KCNK12: variants seen among roughly 807,000 people sequenced by gnomAD.
KCNK12 encodes the protein potassium two pore domain channel subfamily K member 12.
Under a neutral mutation model 25.3 loss-of-function variants are expected in KCNK12, and 6 were observed. That is an observed-to-expected ratio of 0.24 (90% CI 0.13 to 0.47). KCNK12 has a LOEUF of 0.47. Ranked by LOEUF, KCNK12 falls within the 20% of genes least tolerant of loss-of-function variation. The pLI, the probability that KCNK12 is intolerant of heterozygous loss-of-function variation, is 0.99. For missense variants in KCNK12, 444 were observed against 661.7 expected, an observed-to-expected ratio of 0.67 and a Z score of 3.61; for synonymous variants, 331 against 311.1, an observed-to-expected ratio of 1.06 and a Z score of -0.67.
intron 1 of KCNK12, among the ~76,000 whole-genome samples, chr2:47,541,632 G>A (rs1304192956): frequency 6.6e-6 from 1 of 152,070 alleles, no homozygotes; most frequent in African/African-American, 2.4e-5. Flanking sequence ...TTTAAAAAAG[G>A]GAATCAAGGT....
rs1669560458 is a variant in KCNK12, at chr2:47,556,852, G to A, written c.391+13089C>T. 6.6e-6 allele frequency among the ~76,000 whole-genome samples: 1 copy of A among 152,208 alleles called. No individual in the cohort carries two copies. The highest frequency in any genetic ancestry group is 2.4e-5 in the African/African-American group (1 of 41,444). On this transcript the variant is annotated intron_variant, in intron 1 of 1. Transcript: ENST00000327876. This position sits in a 1 kb window ranked among gnomAD's most constrained non-coding sequence, Gnocchi z 4.8. ...AGGATGGGAGCTGGAAGCATGGGAG[G>A]TGGTGGTCAGAGGTGAGATGTTTAG...
Position 47,570,096 on chromosome 2 carries a change from A to G in KCNK12, c.236T>C (p.Phe79Ser). ...CTCGGCCACGCCGTGCGCAGCGCTG[A>G]AGTTGCGCAGCGTGGCGCCCCAGCG... Reference protein sequence around the residue: ...RARWGATLRNFSAAHGVAEPE... With the variant: ...RARWGATLRNSSAAHGVAEPE... The change falls in exon 1 of 2, where the codon TTC (phenylalanine) becomes TCC (serine). Residue 79 changes from phenylalanine (F) to serine (S), a missense_variant. Coordinates refer to ENST00000327876, the MANE Select transcript of KCNK12 (RefSeq NM_022055.2). 7.1e-7 allele frequency: 1 copy of G among 1,402,202 alleles called. No homozygotes were observed. The highest frequency in any genetic ancestry group is 9.3e-7 in the Non-Finnish European group (1 of 1,078,672). The allele number at this position is 1,402,202 out of a possible 1,614,324, so 86.9% of individuals were successfully genotyped here. A position where few individuals can be genotyped will look rare whatever the true frequency, so the allele number is the denominator to read the frequency against.
In KCNK12 at chr2:47,562,295, G is replaced by A. The variant is rs1669688494; in HGVS notation, c.391+7646C>T. On this transcript the variant is annotated intron_variant, in intron 1 of 1. Coordinates refer to ENST00000327876, the MANE Select transcript of KCNK12 (RefSeq NM_022055.2). This position sits in a 1 kb window ranked among gnomAD's most constrained non-coding sequence, Gnocchi z 4.8. ...TGTTGCTGTTGAGTATAAAGACACT[G>A]TGAACATTGTAAAATCTGCAATTAC... The A allele has an allele frequency of 5.1e-6, 2 of 394,854 alleles. No homozygotes were observed. Among genetic ancestry groups the A allele is most frequent in the Non-Finnish European group, 8.9e-6 (2 of 224,304 alleles). The allele number at this position is 394,854 out of a possible 1,614,324, so 24.5% of individuals were successfully genotyped here. A position where few individuals can be genotyped will look rare whatever the true frequency, so the allele number is the denominator to read the frequency against.
intron 1 of KCNK12, among the ~76,000 whole-genome samples, chr2:47,568,789 G>A (rs548905245): frequency 4.3e-4 from 65 of 152,304 alleles, no homozygotes; most frequent in African/African-American, 1.5e-3. Context: ...GAGTGCCTTA[G>A]GGTGACTAGA....
chr2:47,539,583 G>C (rs1353530894), intron 1 of KCNK12, among the ~76,000 whole-genome samples: 1 of 152,160 alleles, frequency 6.6e-6, no homozygotes, highest in East Asian at 1.9e-4. Context: ...ATTCAGGAAG[G>C]AAGGAATGAC....
In KCNK12 at chr2:47,516,117, T is replaced by C. The variant is rs1668518244; in HGVS notation, c.*4790A>G. Among the ~76,000 whole-genome samples the C allele has an allele frequency of 1.3e-5, 2 of 152,096 alleles. No homozygotes were observed. Among genetic ancestry groups the C allele is most frequent in the African/African-American group, 4.8e-5 (2 of 41,416 alleles). On this transcript the variant is annotated 3_prime_UTR_variant, in exon 2 of 2. Transcript: ENST00000327876. The stretch of plus-strand genomic sequence containing the variant: ...TGACTGCCAGATCCAAAACTAGAAT[T>C]CAGACCTCCTAGTTTCTAAGTGGAC...
In KCNK12 at chr2:47,516,363, CCCCCAG is replaced by C. The variant is rs1668524771; in HGVS notation, c.*4538_*4543del. On this transcript the variant is annotated 3_prime_UTR_variant, in exon 2 of 2. Transcript: ENST00000327876. ...AGCCAGGTTGGATCCATCTCCCAGT[CCCCCAG>C]CCTTGGCTCAGCCTGGCCAAGCTGC... is the stretch of plus-strand genomic sequence containing the variant. Among the ~76,000 whole-genome samples the C allele has an allele frequency of 6.6e-6, 1 of 152,168 alleles. No individual in the cohort carries two copies.
intron 1 of KCNK12, chr2:47,543,395 A>G (rs1322277137): frequency 6.6e-6 from 1 of 152,118 alleles, no homozygotes; most frequent in African/African-American, 2.4e-5. Flanking sequence ...TAGTGAGGTA[A>G]GCATTATCCT....
intron 1 of KCNK12, among the ~76,000 whole-genome samples, chr2:47,526,420 AG>A (rs1668777955): frequency 6.8e-6 from 1 of 147,398 alleles, no homozygotes; most frequent in Non-Finnish European, 1.5e-5. Context: ...AAAAAAAAAA[AG>A]AGAAAGAAAG....
chr2:47,527,659 T>G (rs1009516089), intron 1 of KCNK12: 1 of 152,272 alleles, frequency 6.6e-6, no homozygotes, highest in Non-Finnish European at 1.5e-5. Flanking sequence ...CAAGGCCATC[T>G]ATTGGAGTTT....
chr2:47,521,411 C>T lies in KCNK12; in HGVS notation c.789G>A (p.Val263=). ...TCCGGTAGGCGGCGTGCTGGCTGCT[C>T]ACCAGGTCCCCGAAGCCGATGGTGC... ...TFSTIGFGDL[V]SSQHAAYRNQ... is the part of the protein sequence containing the mutation. The change falls in exon 2 of 2, where the codon GTG becomes GTA. Residue 263 remains valine, a synonymous_variant. Coordinates refer to ENST00000327876, the MANE Select transcript of KCNK12 (RefSeq NM_022055.2). 2.5e-6 allele frequency: 4 copies of T among 1,613,450 alleles called. No individual in the cohort carries two copies. Among genetic ancestry groups the T allele is most frequent in the Non-Finnish European group, 3.4e-6 (4 of 1,179,808 alleles).
rs911655234 is a variant in KCNK12 at position 47,540,216 on chromosome 2, A to C, written c.392-18408T>G. ...TCACCGGGCAGACCTATCTTGGAGA[A>C]GATACAAGCAATGGTGCTGAAGTTT... is the stretch of plus-strand genomic sequence containing the variant. On this transcript the variant is annotated intron_variant, in intron 1 of 1. Coordinates refer to ENST00000327876, the MANE Select transcript of KCNK12 (RefSeq NM_022055.2). This position sits in a 1 kb window ranked among gnomAD's most constrained non-coding sequence, Gnocchi z 5.4. Among the ~76,000 whole-genome samples the C allele has an allele frequency of 6.6e-6, 1 of 152,226 alleles. No homozygotes were observed. Among genetic ancestry groups the C allele is most frequent in the Admixed American group, 6.5e-5 (1 of 15,282 alleles).
Position 47,538,756 on chromosome 2 carries a change from G to GA in KCNK12, c.392-16949dup, listed in dbSNP as rs1669131294. On this transcript the variant is annotated intron_variant, in intron 1 of 1. Coordinates refer to ENST00000327876, the MANE Select transcript of KCNK12 (RefSeq NM_022055.2). The surrounding 1 kb of genome is among the most constrained non-coding windows in gnomAD (Gnocchi z 4.5). ...ACTGCACTCTAGCCTGGGTGACAGA[G>GA]AAAACAATGGACAAAGAGATTAGCC... Among the ~76,000 whole-genome samples the GA allele has an allele frequency of 6.6e-6, 1 of 152,174 alleles. No individual in the cohort carries two copies. The highest frequency in any genetic ancestry group is 2.4e-5 in the African/African-American group (1 of 41,448).
intron 1 of KCNK12, among the ~76,000 whole-genome samples, chr2:47,539,689 C>T (rs1474525222): frequency 6.6e-6 from 1 of 152,116 alleles, no homozygotes; most frequent in Non-Finnish European, 1.5e-5. Context: ...TGGCTCTGTG[C>T]AGGAAAGAAG....
At chr2:47,534,517 C>T (rs936506010) in intron 1 of KCNK12, among the ~76,000 whole-genome samples, 1 of 99,616 alleles carries the variant, frequency 1.0e-5, no homozygotes, top group African/African-American at 3.9e-5. Flanking sequence ...CCCTTCTAAC[C>T]CCCCCCCCCG....
chr2:47,525,859 T>C lies in KCNK12; in HGVS notation c.392-4051A>G, dbSNP rs1430615054. ...TAAATAGATGCCGTGAAAGCACATA[T>C]GCCTGTTCTAACAGGGAGCCTTGCA... On this transcript the variant is annotated intron_variant, in intron 1 of 1. Coordinates refer to ENST00000327876, the MANE Select transcript of KCNK12 (RefSeq NM_022055.2). This position sits in a 1 kb window ranked among gnomAD's most constrained non-coding sequence, Gnocchi z 4.1. Among the ~76,000 whole-genome samples, 3 of 152,090 alleles carry C rather than the reference T, an allele frequency of 2.0e-5. No individual in the cohort carries two copies. The highest frequency in any genetic ancestry group is 4.4e-5 in the Non-Finnish European group (3 of 68,006).
chr2:47,544,191 C>G lies in KCNK12; in HGVS notation c.392-22383G>C, dbSNP rs140970648. The stretch of plus-strand genomic sequence containing the variant: ...ACGAGCACGAGCATCTTGTACTACC[C>G]TGTGCCCCCATTCCCCATCAGCATA... On this transcript the variant is annotated intron_variant, in intron 1 of 1. Transcript: ENST00000327876. 5.0e-3 allele frequency among the ~76,000 whole-genome samples: 758 copies of G among 152,350 alleles called. 6 individuals carry two copies. The highest frequency in any genetic ancestry group is 0.017 in the African/African-American group (725 of 41,582).
At position 47,547,040 on chromosome 2, in the gene KCNK12, A is replaced by G. The variant is rs1053634421; in HGVS notation, c.391+22901T>C. ...GCCCCAAAAAGAAAGCCCGCAGTCC[A>G]CAAGCCCCACCTATGCACACTGAGT... On this transcript the variant is annotated intron_variant, in intron 1 of 1. Coordinates refer to ENST00000327876, the MANE Select transcript of KCNK12 (RefSeq NM_022055.2). This position sits in a 1 kb window ranked among gnomAD's most constrained non-coding sequence, Gnocchi z 5.0. 3.3e-5 allele frequency among the ~76,000 whole-genome samples: 5 copies of G among 152,174 alleles called. No homozygotes were observed. Among genetic ancestry groups the G allele is most frequent in the African/African-American group, 1.2e-4 (5 of 41,426 alleles).
At chr2:47,552,432 A>G (rs1017426077) in intron 1 of KCNK12, among the ~76,000 whole-genome samples, 1 of 152,034 alleles carries the variant, frequency 6.6e-6, no homozygotes, top group African/African-American at 2.4e-5. Flanking sequence ...CCTTCCCCCC[A>G]TTATGAGACA....
Sources: gnomAD v4.1 joint callset for allele counts (sites outside exome capture counted in the v4.1 genomes callset) on GRCh38, gnomAD v4.1.1 for gene constraint, Gnocchi (gnomAD v3.1) non-coding constraint, MANE v1.5 for transcripts, NCBI Gene and HGNC (gene_info 2026-07-23, HGNC 2026-07-21) for gene names.